GMDS: variants seen among roughly 807,000 people sequenced by gnomAD.
GMDS encodes GDP-mannose 4,6-dehydratase.
GMDS carries 20 observed loss-of-function variants against 49.9 expected under a neutral mutation model. The ratio of observed to expected loss-of-function variants is 0.40; its 90% CI spans 0.28 to 0.58. The LOEUF is 0.58. GMDS is among the 20% of genes least tolerant of loss of function. GMDS has a pLI of 0.42. For synonymous variants in GMDS, 177 were observed against 178.6 expected (o/e 0.99, Z 0.07); for missense variants, 362 against 481.4 (o/e 0.75, Z 2.32).
At position 1,841,759 on chromosome 6, in the gene GMDS, G is replaced by A. The variant is rs1424553371; in HGVS notation, c.771+88344C>T. Among the ~76,000 whole-genome samples the A allele has an allele frequency of 5.3e-5, 8 of 152,290 alleles. No homozygotes were observed. The East Asian group carries it at 1.5e-3, about 29-fold the overall frequency. On this transcript the variant is annotated intron_variant, in intron 7 of 10. Transcript: ENST00000380815. ...TGTAGAGACACAGATAGGAAGGGAG[G>A]AAGAACCATGAGGAAGGACGCTGAC...
intron 4 of GMDS, among the ~76,000 whole-genome samples, chr6:2,078,212 A>G (rs1423371751): frequency 1.3e-5 from 2 of 151,952 alleles, no homozygotes; most frequent in African/African-American, 4.8e-5. Flanking sequence ...TGTCTTTTCA[A>G]AGAATCAACT....
intron 9 of GMDS, among the ~76,000 whole-genome samples, chr6:1,678,026 T>C (rs1292644824): frequency 1.3e-5 from 2 of 152,178 alleles, no homozygotes; most frequent in Non-Finnish European, 2.9e-5. Flanking sequence ...GTGATGGAAC[T>C]TCTTTAACTT....
intron 1 of GMDS, among the ~76,000 whole-genome samples, chr6:2,242,436 C>A: frequency 6.6e-6 from 1 of 152,106 alleles, no homozygotes; most frequent in Non-Finnish European, 1.5e-5. Flanking sequence ...GAGGGGAAGG[C>A]TAGAATAAGA....
chr6:2,201,668 G>C (rs533143906), intron 1 of GMDS, among the ~76,000 whole-genome samples: 10 of 122,342 alleles, frequency 8.2e-5, no homozygotes, highest in African/African-American at 1.6e-4. Context: ...TTAGCAGAGA[G>C]GTGAAGGATG....
chr6:2,010,486 C>G (rs1360167673), intron 4 of GMDS, among the ~76,000 whole-genome samples: 13 of 152,016 alleles, frequency 8.6e-5, no homozygotes, highest in Admixed American at 8.5e-4. Flanking sequence ...AAATGTTAAA[C>G]AGAATCTAAT....
intron 1 of GMDS, among the ~76,000 whole-genome samples, chr6:2,158,501 A>G (rs951925459): frequency 6.6e-6 from 1 of 152,238 alleles, no homozygotes; most frequent in Non-Finnish European, 1.5e-5. Flanking sequence ...TCTAGATGCT[A>G]AAATAAAATG....
At chr6:2,149,632 G>A (rs1015593998) in intron 1 of GMDS, among the ~76,000 whole-genome samples, 1 of 152,196 alleles carries the variant, frequency 6.6e-6, no homozygotes, top group African/African-American at 2.4e-5. Flanking sequence ...ATGCTCTTGC[G>A]TGGATTCAAG....
chr6:2,125,967 C>T (rs1295453815), intron 1 of GMDS, among the ~76,000 whole-genome samples: 1 of 152,048 alleles, frequency 6.6e-6, no homozygotes. Flanking sequence ...ATAGCTAATT[C>T]CTGCCTTAAA....
intron 4 of GMDS, among the ~76,000 whole-genome samples, chr6:1,982,342 C>G (rs1264791913): frequency 1.3e-5 from 2 of 152,166 alleles, no homozygotes; most frequent in East Asian, 3.9e-4. Flanking sequence ...GATGCCCTCT[C>G]TCACCACTCC....
chr6:2,089,508 A>G (rs1212284402), intron 4 of GMDS, among the ~76,000 whole-genome samples: 2 of 152,160 alleles, frequency 1.3e-5, no homozygotes, highest in African/African-American at 4.8e-5. Flanking sequence ...AATAAGAAAG[A>G]AAAGAGAAGC....
chr6:1,867,295 C>T (rs906549912), intron 7 of GMDS, among the ~76,000 whole-genome samples: 2 of 152,172 alleles, frequency 1.3e-5, no homozygotes, highest in African/African-American at 2.4e-5. Flanking sequence ...TCTTTTTAAA[C>T]ATTTTCTAAA....
chr6:1,824,376 A>G (rs992451276), intron 7 of GMDS, among the ~76,000 whole-genome samples: 1 of 151,910 alleles, frequency 6.6e-6, no homozygotes, highest in Non-Finnish European at 1.5e-5. Flanking sequence ...CATCATTCTC[A>G]CTTCCCTGTA....
chr6:2,165,236 A>G (rs767076339), intron 1 of GMDS, among the ~76,000 whole-genome samples: 87 of 152,350 alleles, frequency 5.7e-4, no homozygotes, highest in Non-Finnish European at 9.7e-4. Flanking sequence ...AAGTGTGTGG[A>G]GAGACATAGA....
chr6:1,928,102 C>G (rs1244631902), intron 7 of GMDS, among the ~76,000 whole-genome samples: 1 of 152,328 alleles, frequency 6.6e-6, no homozygotes, highest in Non-Finnish European at 1.5e-5. Flanking sequence ...TGCAGTGGCT[C>G]AAGCCTGTAA....
intron 7 of GMDS, among the ~76,000 whole-genome samples, chr6:1,876,015 C>CAAAAAAAAAA (rs112121475): frequency 4.6e-5 from 6 of 129,288 alleles, no homozygotes; most frequent in African/African-American, 1.9e-4. Context: ...AGCACTATCT[C>CAAAAAAAAAA]AAAAAAAAAA....
chr6:2,099,972 T>C (rs1187411974), intron 4 of GMDS, among the ~76,000 whole-genome samples: 2 of 151,976 alleles, frequency 1.3e-5, no homozygotes, highest in African/African-American at 4.8e-5. Context: ...AATCATGAAA[T>C]TTTGGGGTTG....
chr6:2,065,750 T>C (rs1477747739), intron 4 of GMDS, among the ~76,000 whole-genome samples: 1 of 152,128 alleles, frequency 6.6e-6, no homozygotes, highest in Admixed American at 6.5e-5. Context: ...GAGCAAAGCC[T>C]CCAAGAAATA....
intron 9 of GMDS, among the ~76,000 whole-genome samples, chr6:1,655,811 AACAT>A (rs1432326123): frequency 2.6e-5 from 4 of 152,182 alleles, no homozygotes; most frequent in Non-Finnish European, 4.4e-5. Flanking sequence ...GGCTGTCTTT[AACAT>A]ATTTTTATAC....
chr6:1,700,990 G>A (rs1390506938), intron 9 of GMDS, among the ~76,000 whole-genome samples: 1 of 152,206 alleles, frequency 6.6e-6, no homozygotes, highest in Non-Finnish European at 1.5e-5. Flanking sequence ...GCCAGCTCAG[G>A]CTGATGATGC....
Sources: gnomAD v4.1 joint callset for allele counts (sites outside exome capture counted in the v4.1 genomes callset) on GRCh38, gnomAD v4.1.1 for gene constraint, MANE v1.5 for transcripts, NCBI Gene and HGNC (gene_info 2026-07-23, HGNC 2026-07-21) for gene names.